Variants in CBX6 observed in about 807,000 individuals in gnomAD.
CBX6 encodes the protein chromobox protein homolog 6.
CBX6 carries 7 observed loss-of-function variants against 28.4 expected under a neutral mutation model. The ratio of observed to expected loss-of-function variants is 0.25; its 90% CI spans 0.14 to 0.46. CBX6 has a LOEUF of 0.46. CBX6 is among the 20% of genes least tolerant of loss of function. CBX6 has a pLI of 0.99. For synonymous variants in CBX6, 297 were observed against 273.4 expected (o/e 1.09, Z -0.85); for missense variants, 512 against 606.1 (o/e 0.84, Z 1.63).
In CBX6 at chr22:38,871,594, C is replaced by A; in HGVS notation, c.180-48G>T. The A allele has an allele frequency of 6.2e-7, 1 of 1,612,320 alleles. No homozygotes were observed. ...GTTAAAAAGAGCCCCTTCCCGGGCC[C>A]CACTCCGCGCTGCCCTCCCCGGCTC... On this transcript the variant is annotated intron_variant, in intron 3 of 4. Coordinates refer to ENST00000407418, the MANE Select transcript of CBX6 (RefSeq NM_014292.5). The surrounding 1 kb of genome is among the most constrained non-coding windows in gnomAD (Gnocchi z 5.6).
intron 4 of CBX6, among the ~76,000 whole-genome samples, chr22:38,868,329 G>C (rs73159326): frequency 3.6e-4 from 55 of 152,300 alleles, no homozygotes; most frequent in African/African-American, 1.3e-3. Context: ...AAGTGATTTC[G>C]TGCAGCGAAA....
rs1422452199 is a variant in CBX6 at position 38,871,879 on chromosome 22, C to T, written c.113+23G>A. ...GCCCGCTGCCTCCCCTCCCGCGACGCCCCCGGACCCCGCGACACTCACTTG... is the reference window on the plus strand; with the variant it reads ...GCCCGCTGCCTCCCCTCCCGCGACGTCCCCGGACCCCGCGACACTCACTTG... On this transcript the variant is annotated intron_variant, in intron 2 of 4. Coordinates refer to ENST00000407418, the MANE Select transcript of CBX6 (RefSeq NM_014292.5). The surrounding 1 kb of genome is among the most constrained non-coding windows in gnomAD (Gnocchi z 5.6). 12 of 1,533,514 alleles carry T rather than the reference C, an allele frequency of 7.8e-6. No individual in the cohort carries two copies. Among genetic ancestry groups the T allele is most frequent in the Non-Finnish European group, 1.1e-5 (12 of 1,136,786 alleles). 95.0% of individuals were successfully genotyped at this position (1,533,514 alleles called of 1,614,324 possible). A position where few individuals can be genotyped will look rare whatever the true frequency, so the allele number is the denominator to read the frequency against.
At position 38,864,412 on chromosome 22, in the gene CBX6, G is replaced by C. The variant is rs1008614502; in HGVS notation, c.*1797C>G. On this transcript the variant is annotated 3_prime_UTR_variant, in exon 5 of 5. Coordinates refer to ENST00000407418, the MANE Select transcript of CBX6 (RefSeq NM_014292.5). ...CTGGCACCCAGGTGGTCACTCACCT[G>C]GGGGAGGGGGTCAGGGGGAAATCAC... The C allele has an allele frequency of 2.0e-5, 3 of 151,232 alleles. No individual in the cohort carries two copies. Among genetic ancestry groups the C allele is most frequent in the African/African-American group, 7.5e-5 (3 of 40,120 alleles). 9.4% of individuals were successfully genotyped at this position (151,232 alleles called of 1,614,324 possible).
In CBX6 at chr22:38,871,730, G is replaced by A. The variant is rs1030381319; in HGVS notation, c.141C>T (p.Asn47=). ...IKYSTWEPEE[N]ILDSRLIAAF... Reference sequence around the variant, plus strand: ...CTGCAATGAGCCGCGAGTCCAGGATGTTCTCCTCGGGCTCCCAAGTGCTGT... The same window carrying A: ...CTGCAATGAGCCGCGAGTCCAGGATATTCTCCTCGGGCTCCCAAGTGCTGT... The change falls in exon 3 of 5, where the codon AAC becomes AAT. Residue 47 remains asparagine, a synonymous_variant. Transcript: ENST00000407418. This position sits in a 1 kb window ranked among gnomAD's most constrained non-coding sequence, Gnocchi z 5.6. 2.2e-5 allele frequency: 35 copies of A among 1,612,192 alleles called. No individual in the cohort carries two copies. The highest frequency in any genetic ancestry group is 7.6e-6 in the Non-Finnish European group (9 of 1,179,080).
At position 38,865,906 on chromosome 22, in the gene CBX6, A is replaced by C; in HGVS notation, c.*303T>G. 4 of 396,812 alleles carry C rather than the reference A, an allele frequency of 1.0e-5. No homozygotes were observed. The highest frequency in any genetic ancestry group is 1.4e-5 in the Non-Finnish European group (3 of 220,082). 24.6% of individuals were successfully genotyped at this position (396,812 alleles called of 1,614,324 possible). A position where few individuals can be genotyped will look rare whatever the true frequency, so the allele number is the denominator to read the frequency against. On this transcript the variant is annotated 3_prime_UTR_variant, in exon 5 of 5. Coordinates refer to ENST00000407418, the MANE Select transcript of CBX6 (RefSeq NM_014292.5). ...CGCACAGGAGAGCAGGAAGCAAGCT[A>C]GAGAGACAGGTGGGATGTGGAAGGG...
chr22:38,871,979 G>T lies in CBX6; in HGVS notation c.70-34C>A. The T allele has an allele frequency of 6.7e-7, 1 of 1,492,000 alleles. No homozygotes were observed. 92.4% of individuals were successfully genotyped at this position (1,492,000 alleles called of 1,614,324 possible). A position where few individuals can be genotyped will look rare whatever the true frequency, so the allele number is the denominator to read the frequency against. ...CAGAGGGGAGAAAAACGGGGGTGGG[G>T]GTGGGGAGGATGCGGGGACGCGAGG... On this transcript the variant is annotated intron_variant, in intron 1 of 4. Transcript: ENST00000407418. This position sits in a 1 kb window ranked among gnomAD's most constrained non-coding sequence, Gnocchi z 5.6.
Position 38,866,120 on chromosome 22 carries a change from A to T in CBX6, c.*89T>A. On this transcript the variant is annotated 3_prime_UTR_variant, in exon 5 of 5. Transcript: ENST00000407418. The surrounding 1 kb of genome is among the most constrained non-coding windows in gnomAD (Gnocchi z 7.5). Reference sequence around the variant, plus strand: ...TTTGAGACAAGCAAAGCACAGGGAGAGAGGGCTGGGGGCAAGGGTGGGGTG... The same window carrying T: ...TTTGAGACAAGCAAAGCACAGGGAGTGAGGGCTGGGGGCAAGGGTGGGGTG... 4.2e-6 allele frequency: 4 copies of T among 952,266 alleles called. No homozygotes were observed. Among genetic ancestry groups the T allele is most frequent in the Non-Finnish European group, 6.2e-6 (4 of 641,142 alleles). 59.0% of individuals were successfully genotyped at this position (952,266 alleles called of 1,614,324 possible).
intron 4 of CBX6, among the ~76,000 whole-genome samples, chr22:38,867,732 C>G (rs553777860): frequency 6.6e-6 from 1 of 152,232 alleles, no homozygotes; most frequent in Admixed American, 6.5e-5. Flanking sequence ...CGTACTCTCT[C>G]GCCTTTGAGC....
In CBX6 at chr22:38,867,209, C is replaced by CT; in HGVS notation, c.247-9_247-8insA. ...CTCGGCCTGGGCCCGCGCCTGCGGGCAGAGGGAGGGGTGGGTGGGACCTCA... is the reference window on the plus strand; with the variant it reads ...CTCGGCCTGGGCCCGCGCCTGCGGGCTAGAGGGAGGGGTGGGTGGGACCTCA... On this transcript the variant is annotated splice_polypyrimidine_tract_variant and intron_variant, in intron 4 of 4. Coordinates refer to ENST00000407418, the MANE Select transcript of CBX6 (RefSeq NM_014292.5). 1 of 892,220 alleles carries CT rather than the reference C, an allele frequency of 1.1e-6. No homozygotes were observed. The highest frequency in any genetic ancestry group is 1.6e-6 in the Non-Finnish European group (1 of 640,858). 55.3% of individuals were successfully genotyped at this position (892,220 alleles called of 1,614,324 possible).
Position 38,872,081 on chromosome 22 carries a change from C to T in CBX6, c.69+41G>A, listed in dbSNP as rs757355510. 3.0e-6 allele frequency: 4 copies of T among 1,317,580 alleles called. No homozygotes were observed. The highest frequency in any genetic ancestry group is 3.9e-6 in the Non-Finnish European group (4 of 1,024,914). 81.6% of individuals were successfully genotyped at this position (1,317,580 alleles called of 1,614,324 possible). A position where few individuals can be genotyped will look rare whatever the true frequency, so the allele number is the denominator to read the frequency against. On this transcript the variant is annotated intron_variant, in intron 1 of 4. Coordinates refer to ENST00000407418, the MANE Select transcript of CBX6 (RefSeq NM_014292.5). This position sits in a 1 kb window ranked among gnomAD's most constrained non-coding sequence, Gnocchi z 5.0. ...CCCCGAGGGCCCCCGGCCCCGGCCC[C>T]GGCTGCGGACAGCGGCGGCCCGCCC...
intron 4 of CBX6, among the ~76,000 whole-genome samples, chr22:38,869,208 G>T (rs186484028): frequency 6.6e-6 from 1 of 152,322 alleles, no homozygotes; most frequent in Non-Finnish European, 1.5e-5. Flanking sequence ...CTCAGAAAGT[G>T]TTTACTCCCT....
Position 38,866,714 on chromosome 22 carries a change from GGGGCTACCA to G in CBX6, c.725_733del (p.Leu242_Ala244del). The G allele has an allele frequency of 1.9e-6, 3 of 1,580,004 alleles. No individual in the cohort carries two copies. The highest frequency in any genetic ancestry group is 2.6e-6 in the Non-Finnish European group (3 of 1,163,384). On this transcript the variant is annotated inframe_deletion, in exon 5 of 5. Transcript: ENST00000407418. This position sits in a 1 kb window ranked among gnomAD's most constrained non-coding sequence, Gnocchi z 7.5. ...TGAGGCCTCAGCCTTGCCGGGGGACGGGGCTACCAGGGGGGCGGGCGGAGGCTTGTACAG... is the reference window on the plus strand; with the variant it reads ...TGAGGCCTCAGCCTTGCCGGGGGACGGGGGGGCGGGCGGAGGCTTGTACAG...
In CBX6 at chr22:38,865,765, C is replaced by G. The variant is rs1426174401; in HGVS notation, c.*444G>C. The stretch of plus-strand genomic sequence containing the variant: ...TCTGCCTGGGACTTTGCCAAACAGG[C>G]AGGAAGCCCTCCTCCTGCCTAGGCA... On this transcript the variant is annotated 3_prime_UTR_variant, in exon 5 of 5. Coordinates refer to ENST00000407418, the MANE Select transcript of CBX6 (RefSeq NM_014292.5). The G allele has an allele frequency of 5.8e-6, 1 of 171,420 alleles. No homozygotes were observed. Among genetic ancestry groups the G allele is most frequent in the Admixed American group, 5.6e-5 (1 of 17,952 alleles). The allele number at this position is 171,420 out of a possible 1,614,324, so 10.6% of individuals were successfully genotyped here.
rs1398821180 is a variant in CBX6, at chr22:38,863,229, T to C, written c.*2980A>G. The C allele has an allele frequency of 6.6e-6, 1 of 152,068 alleles. No individual in the cohort carries two copies. The highest frequency in any genetic ancestry group is 6.5e-5 in the Admixed American group (1 of 15,274). 9.4% of individuals were successfully genotyped at this position (152,068 alleles called of 1,614,324 possible). A position where few individuals can be genotyped will look rare whatever the true frequency, so the allele number is the denominator to read the frequency against. ...GAGTGGGCACCCAGACAGGGATGGG[T>C]CCCAACTTACCGTCTCAAACCAGAG... is the stretch of plus-strand genomic sequence containing the variant. On this transcript the variant is annotated 3_prime_UTR_variant, in exon 5 of 5. Transcript: ENST00000407418.
chr22:38,868,277 A>C (rs2093175070), intron 4 of CBX6, among the ~76,000 whole-genome samples: 1 of 152,132 alleles, frequency 6.6e-6, no homozygotes, highest in Non-Finnish European at 1.5e-5. Flanking sequence ...TCCCCTGGAG[A>C]GCTGCCCTAT....
chr22:38,868,328 C>T (rs1397208134), intron 4 of CBX6, among the ~76,000 whole-genome samples: 3 of 152,200 alleles, frequency 2.0e-5, no homozygotes, highest in African/African-American at 4.8e-5. Flanking sequence ...GAAGTGATTT[C>T]GTGCAGCGAA....
At position 38,866,662 on chromosome 22, in the gene CBX6, G is replaced by A. The variant is rs536242900; in HGVS notation, c.786C>T (p.Ala262=). The A allele has an allele frequency of 4.3e-5, 66 of 1,537,786 alleles. No individual in the cohort carries two copies. Among genetic ancestry groups the A allele is most frequent in the Middle Eastern group, 2.1e-4 (1 of 4,810 alleles). Reference sequence around the variant, plus strand: ...GGGCGTCGTAGGGGGCGGCGGGGGCGGCCAGAAGTAGCCCAGGGCCCGGGG... The same window carrying A: ...GGGCGTCGTAGGGGGCGGCGGGGGCAGCCAGAAGTAGCCCAGGGCCCGGGG... The part of the protein sequence containing the change: ...ASAPGPGLLL[A]APAAPYDARS... The change falls in exon 5 of 5, where the codon GCC becomes GCT. Residue 262 remains alanine (A), a synonymous_variant. Coordinates refer to ENST00000407418, the MANE Select transcript of CBX6 (RefSeq NM_014292.5). This position sits in a 1 kb window ranked among gnomAD's most constrained non-coding sequence, Gnocchi z 7.5.
rs1172326237 is a variant in CBX6 at position 38,866,437 on chromosome 22, G to A, written c.1011C>T (p.Gly337=). 3.7e-6 allele frequency: 6 copies of A among 1,608,952 alleles called. No individual in the cohort carries two copies. Among genetic ancestry groups the A allele is most frequent in the Middle Eastern group, 3.3e-4 (2 of 6,034 alleles). Residue 337 remains glycine (G), a synonymous_variant, in exon 5 of 5, where the codon GGC becomes GGT. Coordinates refer to ENST00000407418, the MANE Select transcript of CBX6 (RefSeq NM_014292.5). This position sits in a 1 kb window ranked among gnomAD's most constrained non-coding sequence, Gnocchi z 7.5. ...RAPPEVTAAA[G]PAPPTAPEPA... is the part of the protein sequence containing the mutation. Reference sequence around the variant, plus strand: ...GCTCAGGGGCCGTGGGAGGTGCCGGGCCGGCAGCAGCTGTGACCTCAGGCG... The same window carrying A: ...GCTCAGGGGCCGTGGGAGGTGCCGGACCGGCAGCAGCTGTGACCTCAGGCG...
intron 4 of CBX6, among the ~76,000 whole-genome samples, chr22:38,868,102 T>G (rs1344595559): frequency 6.6e-6 from 1 of 152,124 alleles, no homozygotes; most frequent in Admixed American, 6.5e-5. Flanking sequence ...AGACCCCAGG[T>G]TCCGGTCCAA....
Sources: gnomAD v4.1 joint callset for allele counts (sites outside exome capture counted in the v4.1 genomes callset) on GRCh38, gnomAD v4.1.1 for gene constraint, Gnocchi (gnomAD v3.1) non-coding constraint, MANE v1.5 for transcripts, NCBI Gene and HGNC (gene_info 2026-07-23, HGNC 2026-07-21) for gene names.